The following EFCAB8 variants were observed in gnomAD, a reference collection of about 807,000 sequenced individuals.
The protein encoded by EFCAB8 is EF-hand calcium-binding domain-containing protein 8.
A neutral mutation model predicts 116.3 loss-of-function variants in EFCAB8; 100 were observed. The observed-to-expected ratio is 0.86, with a 90% CI of 0.73 to 1.02. EFCAB8 has a LOEUF of 1.02. Ranked by LOEUF, EFCAB8 falls within the 50% of genes least tolerant of loss-of-function variation. EFCAB8 has a pLI of 0.00. For missense variants in EFCAB8, 1,320 were observed against 1,416.9 expected, an observed-to-expected ratio of 0.93 and a Z score of 1.10; for synonymous variants, 558 against 567.9, an observed-to-expected ratio of 0.98 and a Z score of 0.25.
chr20:32,923,314 C>T (rs2017440), intron 20 of EFCAB8, among the ~76,000 whole-genome samples: 6,284 of 152,172 alleles, frequency 0.041, 169 homozygotes, highest in Non-Finnish European at 0.065. Context: ...GGTGAAACCC[C>T]GTCTCTACTA....
chr20:32,935,188 C>CTTTTTTTTTTTTTTTTTTTTTT lies in EFCAB8; in HGVS notation c.2790+3855_2790+3856insTTTTTTTTTTTTTTTTTTTTTT, dbSNP rs754022404. 4.6e-4 allele frequency among the ~76,000 whole-genome samples: 31 copies of CTTTTTTTTTTTTTTTTTTTTTT among 66,902 alleles called. 1 individual carries two copies. The highest frequency in any genetic ancestry group is 6.9e-4 in the African/African-American group (9 of 12,966). The allele number at this position is 66,902 out of a possible 152,430, so 43.9% of individuals were successfully genotyped here. A position where few individuals can be genotyped will look rare whatever the true frequency, so the allele number is the denominator to read the frequency against. ...TCTCTTCTCTTTTCTTTCTTTCTTT[C>CTTTTTTTTTTTTTTTTTTTTTT]TTTCTTTTTTTTTTTTTTTTTTTTT... On this transcript the variant is annotated intron_variant, in intron 22 of 26. Transcript: ENST00000400522.
intron 13 of EFCAB8, 142 bp downstream of exon 13, chr20:32,907,136 G>A: frequency 7.0e-7 from 1 of 1,422,976 alleles, no homozygotes; most frequent in South Asian, 1.5e-5. Flanking sequence ...GAAGGTGAGG[G>A]TGGCCATGGA....
intron 19 of EFCAB8, 34 bp from the exon 20 acceptor site, chr20:32,920,044 T>G: frequency 1.3e-6 from 2 of 1,551,652 alleles, no homozygotes; most frequent in Middle Eastern, 1.7e-4. Flanking sequence ...GGAAACACCC[T>G]CATGGTGACT....
intron 19 of EFCAB8, 24 bp downstream of exon 19, chr20:32,918,598 A>G (rs892373831): frequency 6.5e-7 from 1 of 1,548,834 alleles, no homozygotes; most frequent in African/African-American, 1.4e-5. Context: ...CCCAACCAGA[A>G]GGCTACCCTC....
intron 9 of EFCAB8, among the ~76,000 whole-genome samples, chr20:32,894,145 G>C (rs1986050485): frequency 6.6e-6 from 1 of 152,210 alleles, no homozygotes; most frequent in Non-Finnish European, 1.5e-5. Flanking sequence ...TGCATGCACA[G>C]TGCTGGCTCT....
chr20:32,906,679 G>A (rs1986689169), intron 12 of EFCAB8, 50 bp downstream of exon 12: 1 of 717,702 alleles, frequency 1.4e-6, no homozygotes, highest in Non-Finnish European at 2.6e-6. Flanking sequence ...GGGCTGCTGG[G>A]GATGGGGGGA....
At chr20:32,892,436 CCCT>C in intron 8 of EFCAB8, 139 bp downstream of exon 8, 2 of 702,544 alleles carry the variant, frequency 2.8e-6, no homozygotes, top group Non-Finnish European at 4.8e-6. Flanking sequence ...GCTCCAAGGC[CCCT>C]GTGTCTTCCT....
rs1256516700 is a variant in EFCAB8 at position 32,911,724 on chromosome 20, A to G, written c.1785+17A>G. Reference sequence around the variant, plus strand: ...CAGCTGGAGGTCAGTCTTGCTTGTCAATTACAGCCAGGGACGGCCTCTTGG... The same window carrying G: ...CAGCTGGAGGTCAGTCTTGCTTGTCGATTACAGCCAGGGACGGCCTCTTGG... On this transcript the variant is annotated intron_variant, in intron 16 of 26. Transcript: ENST00000400522. The G allele has an allele frequency of 2.1e-5, 32 of 1,550,890 alleles. No homozygotes were observed. The highest frequency in any genetic ancestry group is 2.8e-5 in the Non-Finnish European group (32 of 1,146,416).
chr20:32,948,263 T>C (rs1988669351), intron 23 of EFCAB8, among the ~76,000 whole-genome samples: 2 of 151,904 alleles, frequency 1.3e-5, no homozygotes, highest in Admixed American at 1.3e-4. Flanking sequence ...AGAAACAAAC[T>C]ACTAAATCTT....
intron 14 of EFCAB8, among the ~76,000 whole-genome samples, chr20:32,909,493 G>T (rs546947726): frequency 8.3e-4 from 127 of 152,326 alleles, no homozygotes; most frequent in Non-Finnish European, 1.4e-3. Context: ...CTGGGGCAAG[G>T]GGGAGGCAGG....
intron 9 of EFCAB8, 104 bp downstream of exon 9, chr20:32,893,402 G>C: frequency 6.8e-7 from 1 of 1,474,216 alleles, no homozygotes; most frequent in Non-Finnish European, 9.1e-7. Context: ...CCTCTGCTCT[G>C]GAGTCTCTGG....
At chr20:32,906,808 G>T in intron 12 of EFCAB8, 35 bp from the exon 13 acceptor site, 1 of 1,053,732 alleles carries the variant, frequency 9.5e-7, no homozygotes, top group Non-Finnish European at 1.4e-6. Context: ...CCCCAGTGGA[G>T]GCCCCTGGGA....
intron 22 of EFCAB8, among the ~76,000 whole-genome samples, chr20:32,932,316 G>T (rs987567483): frequency 6.6e-6 from 1 of 152,100 alleles, no homozygotes; most frequent in African/African-American, 2.4e-5. Flanking sequence ...GGTGGAGGTT[G>T]CAGTGAGCCT....
intron 3 of EFCAB8, among the ~76,000 whole-genome samples, chr20:32,871,729 G>A (rs2000291): frequency 0.19 from 29,520 of 152,090 alleles, 3,215 homozygotes; most frequent in East Asian, 0.35. Context: ...GCTCCATACC[G>A]TGTCTTAGGC....
At chr20:32,955,877 G>A (rs1988951570) in intron 23 of EFCAB8, among the ~76,000 whole-genome samples, 1 of 152,104 alleles carries the variant, frequency 6.6e-6, no homozygotes, top group South Asian at 2.1e-4. Flanking sequence ...TTATATTTGT[G>A]TGCCTCTTTT....
chr20:32,936,420 ATTC>A (rs776549628), intron 22 of EFCAB8, among the ~76,000 whole-genome samples: 7 of 152,134 alleles, frequency 4.6e-5, no homozygotes, highest in Non-Finnish European at 8.8e-5. Context: ...TCCTCTAGGT[ATTC>A]TTCTAGTTGT....
rs1988475357 is a variant in EFCAB8, at chr20:32,943,647, C to T, written c.2802C>T (p.Gly934=). ...IPLEDKEVVA[G]HTISLVPPTL... is the part of the protein sequence containing the mutation. ...ACTGTCCCCTATAGGTTGTGGCTGG[C>T]CATACCATTTCCCTGGTTCCCCCCA... The change falls in exon 23 of 27, where the codon GGC becomes GGT. Residue 934 remains glycine, a synonymous_variant. Coordinates refer to ENST00000400522, the MANE Select transcript of EFCAB8 (RefSeq NM_001143967.2). 1 of 417,028 alleles carries T rather than the reference C, an allele frequency of 2.4e-6. No homozygotes were observed. The highest frequency in any genetic ancestry group is 4.4e-6 in the Non-Finnish European group (1 of 226,578). The allele number at this position is 417,028 out of a possible 1,614,324, so 25.8% of individuals were successfully genotyped here.
intron 20 of EFCAB8, among the ~76,000 whole-genome samples, chr20:32,928,006 C>T (rs190587557): frequency 6.6e-6 from 1 of 152,116 alleles, no homozygotes; most frequent in Non-Finnish European, 1.5e-5. Flanking sequence ...CCCTCCAAAC[C>T]CTGGAAACCC....
Position 32,931,312 on chromosome 20 carries a change from C to A in EFCAB8, c.2766C>A (p.His922Gln). Residue 922 changes from histidine to glutamine, a missense_variant, in exon 22 of 27, where the codon CAC becomes CAA. His to Gln is a conservative substitution (Grantham distance 24). Transcript: ENST00000400522. Reference sequence around the variant, plus strand: ...AGCAACTTGGGACCAACTTCCCACACTACATTCCCTTGGAGGATAAAGAGG... The same window carrying A: ...AGCAACTTGGGACCAACTTCCCACAATACATTCCCTTGGAGGATAAAGAGG... The part of the protein sequence containing the change: ...IPQQLGTNFP[H>Q]YIPLEDKEVV... 6.5e-7 allele frequency: 1 copy of A among 1,549,214 alleles called. No homozygotes were observed. Among genetic ancestry groups the A allele is most frequent in the Non-Finnish European group, 8.7e-7 (1 of 1,145,670 alleles).
Sources: gnomAD v4.1 joint callset for allele counts (sites outside exome capture counted in the v4.1 genomes callset) on GRCh38, gnomAD v4.1.1 for gene constraint, MANE v1.5 for transcripts, NCBI Gene and HGNC (gene_info 2026-07-23, HGNC 2026-07-21) for gene names.